TMEM165: variants seen among roughly 807,000 people sequenced by gnomAD.
TMEM165 encodes putative divalent cation/proton antiporter TMEM165.
In TMEM165, 19 loss-of-function variants were observed where a neutral mutation model predicts 30.0. The ratio of observed to expected loss-of-function variants is 0.63; its 90% confidence interval spans 0.44 to 0.93. The LOEUF (loss-of-function observed/expected upper bound fraction) is 0.93. TMEM165 is among the 40% of genes least tolerant of loss of function. The probability of loss-of-function intolerance (pLI) is 0.00; values close to 1 mark genes in which losing one functional copy is unlikely to be tolerated. For synonymous variants in TMEM165, 168 were observed against 162.9 expected, an observed-to-expected ratio of 1.03 and a Z score of -0.24; for missense variants, 340 against 417.0, an observed-to-expected ratio of 0.82 and a Z score of 1.61.
intron 3 of TMEM165, chr4:55,444,488 CT>C (rs1172247338): frequency 1.1e-6 from 1 of 923,650 alleles, no homozygotes; most frequent in Non-Finnish European, 1.7e-6. Context: ...TATAATCATA[CT>C]GAGTAGGTAA....
chr4:55,452,269 C>T (rs1322664389), exon 4 of TMEM165: 3 of 152,202 alleles, frequency 2.0e-5, no homozygotes, highest in Admixed American at 1.3e-4. Flanking sequence ...ATCTTGCATG[C>T]TTGCTCTGAT....
At chr4:55,441,422 C>A (rs1159710864) in intron 3 of TMEM165, among the ~76,000 whole-genome samples, 1 of 152,166 alleles carries the variant, frequency 6.6e-6, no homozygotes, top group Non-Finnish European at 1.5e-5. Context: ...CAAAAAGACA[C>A]CTGCATACAT....
chr4:55,425,308 T>G, intron 5 of TMEM165, 68 bp from the exon 6 acceptor site: 1 of 1,332,588 alleles, frequency 7.5e-7, no homozygotes, highest in Non-Finnish European at 1.1e-6. Flanking sequence ...ATCGGCTCCC[T>G]TTTCATTTTG....
intron 3 of TMEM165, among the ~76,000 whole-genome samples, chr4:55,447,302 T>C (rs941710479): frequency 9.2e-5 from 14 of 152,066 alleles, no homozygotes; most frequent in African/African-American, 3.1e-4. Flanking sequence ...AAGCAGAGGT[T>C]GCAGTAAGCC....
chr4:55,411,488 A>T, intron 1 of TMEM165, 126 bp from the exon 2 acceptor site: 1 of 806,706 alleles, frequency 1.2e-6, no homozygotes, highest in Non-Finnish European at 2.0e-6. Flanking sequence ...TTTCAGAGTG[A>T]TTAGACAGTA....
At chr4:55,400,291 TATATA>T (rs1430036000) in intron 1 of TMEM165, among the ~76,000 whole-genome samples, 1 of 98,502 alleles carries the variant, frequency 1.0e-5, no homozygotes, top group Admixed American at 1.4e-4. Flanking sequence ...TTATATATTA[TATATA>T]ATATTATATA....
intron 2 of TMEM165, among the ~76,000 whole-genome samples, chr4:55,413,558 G>A (rs1018143723): frequency 1.3e-5 from 2 of 152,280 alleles, no homozygotes; most frequent in African/African-American, 4.8e-5. Flanking sequence ...TCAAATGATC[G>A]CCCGCCTTGG....
At chr4:55,450,123 T>C in intron 3 of TMEM165, 1 of 1,614,160 alleles carries the variant, frequency 6.2e-7, no homozygotes, top group African/African-American at 1.3e-5. Context: ...GTGAGATGAT[T>C]TTCTTGAACT....
intron 1 of TMEM165, among the ~76,000 whole-genome samples, chr4:55,402,212 C>G (rs965285786): frequency 7.1e-6 from 1 of 141,044 alleles, no homozygotes; most frequent in African/African-American, 2.8e-5. Context: ...TTCATTAAAA[C>G]AAAAAATAAT....
Position 55,396,347 on chromosome 4 carries a change from T to TGCAGCC in TMEM165, c.165_170dup (p.Gln56_Pro57dup). 1 of 1,513,210 alleles carries TGCAGCC rather than the reference T, an allele frequency of 6.6e-7. No individual in the cohort carries two copies. Among genetic ancestry groups the TGCAGCC allele is most frequent in the Non-Finnish European group, 8.8e-7 (1 of 1,135,814 alleles). 93.7% of individuals were successfully genotyped at this position (1,513,210 alleles called of 1,614,324 possible). A position where few individuals can be genotyped will look rare whatever the true frequency, so the allele number is the denominator to read the frequency against. On this transcript the variant is annotated inframe_insertion, in exon 1 of 6. Coordinates refer to ENST00000381334, the MANE Select transcript of TMEM165 (RefSeq NM_018475.5). ...GAACCGCCGGCGCCGGCCCAGCAGC[T>TGCAGCC]GCAGCCGCAGCCTGTGGCTGTGCAG...
intron 4 of TMEM165, among the ~76,000 whole-genome samples, chr4:55,421,864 C>T (rs946192902): frequency 1.6e-4 from 24 of 152,162 alleles, no homozygotes; most frequent in Non-Finnish European, 1.6e-4. Flanking sequence ...TTCTCCCAGC[C>T]GTTTTGTGAG....
intron 3 of TMEM165, among the ~76,000 whole-genome samples, chr4:55,440,248 A>G (rs1723247652): frequency 6.6e-6 from 1 of 152,206 alleles, no homozygotes; most frequent in Admixed American, 6.5e-5. Context: ...CAGTGAATAA[A>G]AACTCCTCTC....
downstream of TMEM165, chr4:55,426,275 C>CTAAAG (rs1431754801): frequency 2.0e-5 from 3 of 152,194 alleles, no homozygotes; most frequent in African/African-American, 4.8e-5. Context: ...TGAGATATGC[C>CTAAAG]TAAAGTAGCT....
At position 55,417,994 on chromosome 4, in the gene TMEM165, T is replaced by C. The variant is rs1211595554; in HGVS notation, c.792+9T>C. ...TATTGGCAGCTAGAGAGGTGAGTGA[T>C]ATTTGAGAGGAGACTGTTTAAAATG... On this transcript the variant is annotated intron_variant, in intron 4 of 5. Coordinates refer to ENST00000381334, the MANE Select transcript of TMEM165 (RefSeq NM_018475.5). 1 of 1,598,958 alleles carries C rather than the reference T, an allele frequency of 6.3e-7. No individual in the cohort carries two copies. The highest frequency in any genetic ancestry group is 8.5e-7 in the Non-Finnish European group (1 of 1,174,030).
chr4:55,448,594 A>ACGCG (rs1553891178), intron 3 of TMEM165, among the ~76,000 whole-genome samples: 13,369 of 80,580 alleles, frequency 0.17, 838 homozygotes, highest in South Asian at 0.24. Context: ...GCGCGCGCGC[A>ACGCG]CGCGCGCGTG....
intron 4 of TMEM165, 165 bp downstream of exon 4, chr4:55,418,150 TC>T (rs1721818174): frequency 1.9e-6 from 1 of 526,310 alleles, no homozygotes; most frequent in Non-Finnish European, 3.1e-6. Context: ...TTCTCCCAGT[TC>T]CTGCTACCTG....
At chr4:55,412,986 T>A (rs1305338287) in intron 2 of TMEM165, among the ~76,000 whole-genome samples, 1 of 151,776 alleles carries the variant, frequency 6.6e-6, no homozygotes, top group African/African-American at 2.4e-5. Flanking sequence ...TTTATTTATT[T>A]ATTTTTTTTT....
At chr4:55,408,124 T>C (rs1431109730) in intron 1 of TMEM165, among the ~76,000 whole-genome samples, 1 of 152,226 alleles carries the variant, frequency 6.6e-6, no homozygotes, top group Non-Finnish European at 1.5e-5. Flanking sequence ...ATCCTGTTAA[T>C]ATTTTAATTA....
chr4:55,411,519 C>G (rs1721496201), intron 1 of TMEM165, 95 bp from the exon 2 acceptor site: 13 of 1,143,662 alleles, frequency 1.1e-5, no homozygotes, highest in Non-Finnish European at 1.6e-5. Context: ...ATGACCATGA[C>G]AAGAAAATTT....
Sources: allele counts gnomAD v4.1 joint callset (sites outside exome capture counted in the v4.1 genomes callset), GRCh38; gene constraint gnomAD v4.1.1; transcripts MANE v1.5; gene names NCBI Gene and HGNC (gene_info 2026-07-23, HGNC 2026-07-21).